The following ARMC8 variants were observed in gnomAD, a reference collection of about 807,000 sequenced individuals.
ARMC8 encodes the protein armadillo repeat containing 8.
A neutral mutation model predicts 99.3 loss-of-function variants in ARMC8; 20 were observed. The observed-to-expected ratio is 0.20, with a 90% CI of 0.14 to 0.29. ARMC8 has a LOEUF of 0.29. ARMC8 is among the 10% of genes least tolerant of loss of function. The pLI is 1.00. For synonymous variants in ARMC8, 263 were observed against 278.3 expected, an observed-to-expected ratio of 0.95 and a Z score of 0.55; for missense variants, 569 against 809.5, an observed-to-expected ratio of 0.70 and a Z score of 3.60.
intron 12 of ARMC8, among the ~76,000 whole-genome samples, chr3:138,247,366 T>G (rs2046930181): frequency 6.6e-6 from 1 of 152,134 alleles, no homozygotes; most frequent in Non-Finnish European, 1.5e-5. Flanking sequence ...AGTCAATAAG[T>G]AGAGAAACTG....
chr3:138,277,664 G>A (rs1433383948), intron 18 of ARMC8, among the ~76,000 whole-genome samples: 1 of 152,186 alleles, frequency 6.6e-6, no homozygotes, highest in Non-Finnish European at 1.5e-5. Context: ...ACAGTTGCTA[G>A]CAAGGATGCA....
At chr3:138,248,723 C>CTTT (rs1559987680) in intron 12 of ARMC8, among the ~76,000 whole-genome samples, 13 of 152,188 alleles carry the variant, frequency 8.5e-5, no homozygotes, top group Non-Finnish European at 1.6e-4. Flanking sequence ...AAGGATTATC[C>CTTT]TCTCTTACTC....
At chr3:138,236,400 G>C (rs1430604992) in intron 7 of ARMC8, among the ~76,000 whole-genome samples, 3 of 152,034 alleles carry the variant, frequency 2.0e-5, no homozygotes, top group Non-Finnish European at 2.9e-5. Context: ...AATTCCCCCA[G>C]CTCTTCCTCC....
chr3:138,209,026 C>T (rs964854145), intron 1 of ARMC8, among the ~76,000 whole-genome samples: 3 of 152,170 alleles, frequency 2.0e-5, no homozygotes, highest in Non-Finnish European at 4.4e-5. Flanking sequence ...TTACTTCTGC[C>T]TCCAGCAATG....
Position 138,273,610 on chromosome 3 carries a change from T to C in ARMC8, c.1629+494T>C, listed in dbSNP as rs372204408. 8.8e-4 allele frequency among the ~76,000 whole-genome samples: 134 copies of C among 152,324 alleles called. 1 individual carries two copies. Among genetic ancestry groups the C allele is most frequent in the African/African-American group, 3.1e-3 (127 of 41,570 alleles). On this transcript the variant is annotated intron_variant, in intron 17 of 21. Transcript: ENST00000469044. ...CAGAGTAGGAGAGGCTGAGCCTTGCTGGTGGGATACCTCTCAATGTTCTCT... is the reference window on the plus strand; with the variant it reads ...CAGAGTAGGAGAGGCTGAGCCTTGCCGGTGGGATACCTCTCAATGTTCTCT...
intron 6 of ARMC8, 57 bp downstream of exon 6, chr3:138,229,067 A>G: frequency 1.5e-6 from 2 of 1,298,734 alleles, no homozygotes; most frequent in South Asian, 1.2e-5. Flanking sequence ...CCTTTAAGAG[A>G]TGTACCTTCT....
chr3:138,195,050 G>T (rs897848100), intron 1 of ARMC8, among the ~76,000 whole-genome samples: 3 of 151,974 alleles, frequency 2.0e-5, no homozygotes, highest in Non-Finnish European at 4.4e-5. Context: ...TTGGGCAGGT[G>T]GATCACCTGA....
intron 19 of ARMC8, among the ~76,000 whole-genome samples, chr3:138,286,007 C>T (rs1577023428): frequency 2.0e-5 from 3 of 152,246 alleles, no homozygotes; most frequent in South Asian, 2.1e-4. Flanking sequence ...TGCAGTGACG[C>T]GATCTTGGCT....
upstream of ARMC8, chr3:138,187,266 G>A (rs763961707): frequency 1.2e-5 from 5 of 410,200 alleles, no homozygotes; most frequent in Non-Finnish European, 1.7e-5. Flanking sequence ...GGTGGGGCCG[G>A]CAGATCTTCT....
chr3:138,282,470 A>G (rs1466870594), intron 18 of ARMC8, among the ~76,000 whole-genome samples: 1 of 152,074 alleles, frequency 6.6e-6, no homozygotes, highest in African/African-American at 2.4e-5. Flanking sequence ...ACATGGTGAA[A>G]TCCCGTCTCT....
chr3:138,294,037 A>G (rs2051239027), intron 21 of ARMC8, among the ~76,000 whole-genome samples: 1 of 152,224 alleles, frequency 6.6e-6, no homozygotes, highest in Non-Finnish European at 1.5e-5. Context: ...AGATAATGAC[A>G]GTAGAAAGAC....
At chr3:138,280,847 C>T (rs1261798884) in intron 18 of ARMC8, among the ~76,000 whole-genome samples, 1 of 152,122 alleles carries the variant, frequency 6.6e-6, no homozygotes, top group Non-Finnish European at 1.5e-5. Flanking sequence ...AGGTTGACCT[C>T]AAACTCTTGA....
intron 15 of ARMC8, among the ~76,000 whole-genome samples, chr3:138,269,033 A>C (rs1449956624): frequency 6.6e-6 from 1 of 152,206 alleles, no homozygotes; most frequent in Non-Finnish European, 1.5e-5. Context: ...TCCTACTTTC[A>C]CATGGTTCAG....
intron 21 of ARMC8, among the ~76,000 whole-genome samples, chr3:138,293,972 C>G (rs909127109): frequency 6.6e-6 from 1 of 152,094 alleles, no homozygotes; most frequent in Non-Finnish European, 1.5e-5. Flanking sequence ...CAACCTGAGT[C>G]CATCTAAGAA....
chr3:138,251,337 A>T (rs2047115483), intron 12 of ARMC8, among the ~76,000 whole-genome samples: 1 of 152,134 alleles, frequency 6.6e-6, no homozygotes, highest in African/African-American at 2.4e-5. Flanking sequence ...AAAATTTTGT[A>T]TTTTTGTCTA....
chr3:138,246,568 T>C (rs2046890290), intron 12 of ARMC8: 1 of 985,588 alleles, frequency 1.0e-6, no homozygotes, highest in Non-Finnish European at 1.2e-6. Flanking sequence ...TTAGGGCCCA[T>C]TAGAAACAGG....
At chr3:138,229,233 C>G (rs559152276) in intron 6 of ARMC8, among the ~76,000 whole-genome samples, 1 of 136,892 alleles carries the variant, frequency 7.3e-6, no homozygotes, top group South Asian at 2.3e-4. Flanking sequence ...ATTTAAAACA[C>G]AAATGACAGC....
chr3:138,229,278 T>G (rs2045913911), intron 6 of ARMC8, among the ~76,000 whole-genome samples: 1 of 147,304 alleles, frequency 6.8e-6, no homozygotes, highest in Non-Finnish European at 1.5e-5. Context: ...TTAACATTTT[T>G]CACTTGACAT....
intron 1 of ARMC8, among the ~76,000 whole-genome samples, chr3:138,195,073 G>A (rs1362977446): frequency 1.3e-5 from 2 of 151,886 alleles, no homozygotes; most frequent in Non-Finnish European, 2.9e-5. Context: ...TCAGGAGTTC[G>A]AGATCAGCCT....
Sources: allele counts gnomAD v4.1 joint callset (sites outside exome capture counted in the v4.1 genomes callset), GRCh38; gene constraint gnomAD v4.1.1; transcripts MANE v1.5; gene names NCBI Gene and HGNC (gene_info 2026-07-23, HGNC 2026-07-21).